The following TMEM140 variants were observed in gnomAD, a reference collection of about 807,000 sequenced individuals.
TMEM140 encodes the protein transmembrane protein 140.
For synonymous variants in TMEM140, 107 were observed against 106.8 expected, an observed-to-expected ratio of 1.00 and a Z score of -0.01; for missense variants, 236 against 228.5, an observed-to-expected ratio of 1.03 and a Z score of -0.21.
intron 1 of TMEM140, among the ~76,000 whole-genome samples, chr7:135,155,003 A>T (rs1829755595): frequency 6.6e-6 from 1 of 152,110 alleles, no homozygotes; most frequent in Non-Finnish European, 1.5e-5. Context: ...TGTTTTGTTA[A>T]TCTGGGTGCT....
intron 1 of TMEM140, 40 bp downstream of exon 1, chr7:135,148,310 G>A (rs1270357958): frequency 5.8e-6 from 2 of 343,798 alleles, no homozygotes; most frequent in Admixed American, 4.2e-5. Context: ...TTACCCAGAC[G>A]TCTACTACCT....
At chr7:135,156,990 T>C (rs1205758401) in intron 1 of TMEM140, among the ~76,000 whole-genome samples, 1 of 152,210 alleles carries the variant, frequency 6.6e-6, no homozygotes, top group Non-Finnish European at 1.5e-5. Context: ...CACCACCATA[T>C]AAGAAGTGTG....
At position 135,165,103 on chromosome 7, in the gene TMEM140, T is replaced by C. The variant is rs974032437; in HGVS notation, c.*104T>C. The C allele has an allele frequency of 2.8e-4, 389 of 1,388,454 alleles. 4 individuals are homozygous for C. The highest frequency in any genetic ancestry group is 4.6e-5 in the Non-Finnish European group (48 of 1,033,906). 86.0% of individuals were successfully genotyped at this position (1,388,454 alleles called of 1,614,324 possible). A position where few individuals can be genotyped will look rare whatever the true frequency, so the allele number is the denominator to read the frequency against. Reference sequence around the variant, plus strand: ...TAACGCTGATCTCCAGCTCCAGCGATGGAACCCACTACAGAGGAGGTGGGG... The same window carrying C: ...TAACGCTGATCTCCAGCTCCAGCGACGGAACCCACTACAGAGGAGGTGGGG... On this transcript the variant is annotated 3_prime_UTR_variant, in exon 2 of 2. Coordinates refer to ENST00000275767, the MANE Select transcript of TMEM140 (RefSeq NM_018295.5).
In TMEM140 at chr7:135,151,847, C is replaced by A. The variant is rs543299376; in HGVS notation, c.-25+3577C>A. ...TCATCTGGCTCTAAAACCCATGCTC[C>A]TTACCACCACACTGTGCTACCTCTC... On this transcript the variant is annotated intron_variant, in intron 1 of 1. Coordinates refer to ENST00000275767, the MANE Select transcript of TMEM140 (RefSeq NM_018295.5). This position sits in a 1 kb window ranked among gnomAD's most constrained non-coding sequence, Gnocchi z 4.3. Among the ~76,000 whole-genome samples, 1 of 152,194 alleles carries A rather than the reference C, an allele frequency of 6.6e-6. No homozygotes were observed. The highest frequency in any genetic ancestry group is 1.5e-5 in the Non-Finnish European group (1 of 68,030).
intron 1 of TMEM140, among the ~76,000 whole-genome samples, chr7:135,154,195 TTG>T (rs1417665043): frequency 3.9e-5 from 6 of 152,176 alleles, no homozygotes; most frequent in African/African-American, 1.4e-4. Flanking sequence ...TCATTTCTGA[TTG>T]TGTTTATTTG....
chr7:135,155,737 G>A (rs947226742), intron 1 of TMEM140, among the ~76,000 whole-genome samples: 2 of 152,162 alleles, frequency 1.3e-5, no homozygotes, highest in African/African-American at 4.8e-5. Flanking sequence ...TGTATTTCTA[G>A]CTACTCAAAA....
At chr7:135,150,692 A>G (rs138495096) in intron 1 of TMEM140, among the ~76,000 whole-genome samples, 1 of 152,256 alleles carries the variant, frequency 6.6e-6, no homozygotes, top group East Asian at 1.9e-4. Context: ...CCGCCCACAA[A>G]CTGGACCGTG....
Position 135,161,984 on chromosome 7 carries a change from C to G in TMEM140, c.-24-2434C>G, listed in dbSNP as rs1485203124. On this transcript the variant is annotated intron_variant, in intron 1 of 1. Coordinates refer to ENST00000275767, the MANE Select transcript of TMEM140 (RefSeq NM_018295.5). This position sits in a 1 kb window ranked among gnomAD's most constrained non-coding sequence, Gnocchi z 4.1. The stretch of plus-strand genomic sequence containing the variant: ...ACCCCACCCTTACTGTATTCACAGG[C>G]CCCAGCTCTCCATCAGCCAGCCTGC... Among the ~76,000 whole-genome samples the G allele has an allele frequency of 6.6e-6, 1 of 152,236 alleles. No individual in the cohort carries two copies. The highest frequency in any genetic ancestry group is 1.5e-5 in the Non-Finnish European group (1 of 68,042).
intron 1 of TMEM140, among the ~76,000 whole-genome samples, chr7:135,163,270 A>G (rs1829994213): frequency 6.6e-6 from 1 of 152,278 alleles, no homozygotes; most frequent in Non-Finnish European, 1.5e-5. Flanking sequence ...CAGTACAGGA[A>G]GAAAATATTG....
At chr7:135,148,830 A>C (rs1322003920) in intron 1 of TMEM140, among the ~76,000 whole-genome samples, 1 of 152,206 alleles carries the variant, frequency 6.6e-6, no homozygotes, top group African/African-American at 2.4e-5. Flanking sequence ...ATTGCTCCTC[A>C]TGCCCCAGTG....
chr7:135,160,042 G>T (rs1829888757), intron 1 of TMEM140, among the ~76,000 whole-genome samples: 1 of 152,200 alleles, frequency 6.6e-6, no homozygotes, highest in East Asian at 1.9e-4. Context: ...ACAGCTATAT[G>T]CAGCCCTTAA....
rs1298917411 is a variant in TMEM140, at chr7:135,165,444, C to CGGGACA, written c.*445_*446insGGGACA. ...TAAAAGAGCGAGCACCTCAGTGTCT[C>CGGGACA]TGGGGACATGGTTAAGGAGCTTCCA... On this transcript the variant is annotated 3_prime_UTR_variant, in exon 2 of 2. Transcript: ENST00000275767. 2 of 176,174 alleles carry CGGGACA rather than the reference C, an allele frequency of 1.1e-5. No individual in the cohort carries two copies. Among genetic ancestry groups the CGGGACA allele is most frequent in the Admixed American group, 1.2e-4 (2 of 17,216 alleles). 10.9% of individuals were successfully genotyped at this position (176,174 alleles called of 1,614,324 possible). A position where few individuals can be genotyped will look rare whatever the true frequency, so the allele number is the denominator to read the frequency against.
At chr7:135,159,275 G>GCT (rs1829870000) in intron 1 of TMEM140, among the ~76,000 whole-genome samples, 1 of 152,184 alleles carries the variant, frequency 6.6e-6, no homozygotes, top group Non-Finnish European at 1.5e-5. Context: ...CCTGTGTTTA[G>GCT]ATAGCCATCT....
chr7:135,162,267 C>A (rs2080971035), intron 1 of TMEM140, among the ~76,000 whole-genome samples: 1 of 152,196 alleles, frequency 6.6e-6, no homozygotes, highest in Admixed American at 6.5e-5. Context: ...CTTCAGGTCC[C>A]TTCCCAGGGC....
rs781284369 is a variant in TMEM140, at chr7:135,164,821, T to G, written c.380T>G (p.Leu127Arg). The G allele has an allele frequency of 4.3e-6, 7 of 1,614,102 alleles. No individual in the cohort carries two copies. In the Middle Eastern group the frequency reaches 4.9e-4, roughly 114 times the overall value. The change falls in exon 2 of 2, where the codon CTG (leucine) becomes CGG (arginine). Residue 127 changes from leucine to arginine, a missense_variant. Transcript: ENST00000275767. ...VGFLAVSSVL[L>R]AGGLGLFLSY... is the part of the protein sequence containing the mutation. ...TTCCTGGCTGTGTCCTCTGTGCTGCTGGCAGGCGGCCTGGGCCTCTTCCTC... is the reference window on the plus strand; with the variant it reads ...TTCCTGGCTGTGTCCTCTGTGCTGCGGGCAGGCGGCCTGGGCCTCTTCCTC...
In TMEM140 at chr7:135,161,708, T is replaced by G. The variant is rs966117986; in HGVS notation, c.-24-2710T>G. 3.3e-5 allele frequency among the ~76,000 whole-genome samples: 5 copies of G among 152,218 alleles called. No homozygotes were observed. The highest frequency in any genetic ancestry group is 1.2e-4 in the African/African-American group (5 of 41,454). On this transcript the variant is annotated intron_variant, in intron 1 of 1. Coordinates refer to ENST00000275767, the MANE Select transcript of TMEM140 (RefSeq NM_018295.5). This position sits in a 1 kb window ranked among gnomAD's most constrained non-coding sequence, Gnocchi z 4.1. ...TAATTCCTTCCGTAACAAGCATCAT[T>G]GCTCCAAGAATCTCTCAACTACATT...
intron 1 of TMEM140, among the ~76,000 whole-genome samples, chr7:135,158,203 G>C (rs1435844760): frequency 6.6e-6 from 1 of 151,844 alleles, no homozygotes; most frequent in Admixed American, 6.6e-5. Context: ...GGCAGCATGG[G>C]CAAGAAGCTG....
At chr7:135,160,311 G>A (rs1829896631) in intron 1 of TMEM140, among the ~76,000 whole-genome samples, 1 of 152,172 alleles carries the variant, frequency 6.6e-6, no homozygotes, top group Non-Finnish European at 1.5e-5. Flanking sequence ...CAGTGACTCA[G>A]CAGTCTCCCC....
At chr7:135,154,857 T>C (rs1285922320) in intron 1 of TMEM140, among the ~76,000 whole-genome samples, 1 of 152,256 alleles carries the variant, frequency 6.6e-6, no homozygotes, top group African/African-American at 2.4e-5. Flanking sequence ...TAAGTCCATT[T>C]GGTCTAAAGT....
Sources: gnomAD v4.1 joint callset for allele counts (sites outside exome capture counted in the v4.1 genomes callset) on GRCh38, gnomAD v4.1.1 for gene constraint, Gnocchi (gnomAD v3.1) non-coding constraint, MANE v1.5 for transcripts, NCBI Gene and HGNC (gene_info 2026-07-23, HGNC 2026-07-21) for gene names.